BRD4: variants seen among roughly 807,000 people sequenced by gnomAD.
The protein encoded by BRD4 is bromodomain-containing protein 4.
In BRD4, 16 loss-of-function variants were observed where a neutral mutation model predicts 142.1. That is an observed-to-expected ratio of 0.11 (90% confidence interval 0.08 to 0.17). The LOEUF is 0.17. Among genes scored for constraint, BRD4 ranks in the 10% least tolerant of loss-of-function variants. The pLI is 1.00. For synonymous variants in BRD4, 833 were observed against 707.5 expected (o/e 1.18, Z -2.82); for missense variants, 1,424 against 1,810.9 (o/e 0.79, Z 3.88).
chr19:15,315,802 G>C (rs926512097), intron 1 of BRD4, among the ~76,000 whole-genome samples: 1 of 151,478 alleles, frequency 6.6e-6, no homozygotes, highest in Non-Finnish European at 1.5e-5. Context: ...GCTGCAGTGA[G>C]CTGAGATCAC....
intron 1 of BRD4, among the ~76,000 whole-genome samples, chr19:15,296,893 C>T (rs2047827358): frequency 6.6e-6 from 1 of 152,084 alleles, no homozygotes; most frequent in African/African-American, 2.4e-5. Context: ...TTCTGCCCAC[C>T]TCTCATGGAG....
At chr19:15,249,509 G>C (rs1568380585) in intron 11 of BRD4, among the ~76,000 whole-genome samples, 1 of 152,184 alleles carries the variant, frequency 6.6e-6, no homozygotes, top group South Asian at 2.1e-4. Context: ...GAGGCAGAAT[G>C]CATGGATGCC....
intron 1 of BRD4, among the ~76,000 whole-genome samples, chr19:15,321,238 G>A (rs1295572153): frequency 6.6e-6 from 1 of 150,694 alleles, no homozygotes; most frequent in Non-Finnish European, 1.5e-5. Context: ...GAATGGGAAA[G>A]GGAAAGGAAA....
chr19:15,244,942 G>A (rs2145518699), intron 11 of BRD4, 180 bp from the exon 12 acceptor site: 1 of 1,116,184 alleles, frequency 9.0e-7, no homozygotes, highest in East Asian at 2.6e-5. Flanking sequence ...GACATGCGAG[G>A]CATCACCTAC....
chr19:15,298,921 G>C (rs900728661), intron 1 of BRD4, among the ~76,000 whole-genome samples: 1 of 152,102 alleles, frequency 6.6e-6, no homozygotes, highest in South Asian at 2.1e-4. Context: ...CTGGCATTTG[G>C]GTAACTGCTG....
At chr19:15,313,068 C>CAA (rs1360141114) in intron 1 of BRD4, among the ~76,000 whole-genome samples, 1 of 145,098 alleles carries the variant, frequency 6.9e-6, no homozygotes, top group Non-Finnish European at 1.5e-5. Context: ...ACCCTGTCTT[C>CAA]AAAAAAAAAA....
At chr19:15,321,370 A>G (rs1297142241) in intron 1 of BRD4, among the ~76,000 whole-genome samples, 1 of 151,162 alleles carries the variant, frequency 6.6e-6, no homozygotes, top group Non-Finnish European at 1.5e-5. Flanking sequence ...TCAACAAGCG[A>G]GATGCTGCTG....
In BRD4 at chr19:15,296,843, G is replaced by T. The variant is rs2047826918; in HGVS notation, c.-34-23710C>A. On this transcript the variant is annotated intron_variant, in intron 1 of 19. Transcript: ENST00000679869. ...TTGACAGAGACTTCTCTAATCTGAAGAGCAACTGTTTCTCCCTGGTTCTCT... is the reference window on the plus strand; with the variant it reads ...TTGACAGAGACTTCTCTAATCTGAATAGCAACTGTTTCTCCCTGGTTCTCT... 2.0e-5 allele frequency among the ~76,000 whole-genome samples: 3 copies of T among 152,176 alleles called. No individual in the cohort carries two copies. In the South Asian group the frequency reaches 6.2e-4, roughly 32 times the overall value.
At chr19:15,256,423 G>A (rs890613090) in intron 8 of BRD4, among the ~76,000 whole-genome samples, 160 bp from the exon 9 acceptor site, 6 of 152,188 alleles carry the variant, frequency 3.9e-5, no homozygotes, top group African/African-American at 1.2e-4. Flanking sequence ...CCAGCTTTGC[G>A]CCTGTCATGT....
intron 1 of BRD4, among the ~76,000 whole-genome samples, chr19:15,286,353 A>C (rs1287991953): frequency 6.6e-6 from 1 of 152,190 alleles, no homozygotes; most frequent in East Asian, 1.9e-4. Context: ...AGAAGACGAG[A>C]AAGAGACTTC....
chr19:15,326,563 C>A (rs1010254936), intron 1 of BRD4, among the ~76,000 whole-genome samples: 2 of 152,154 alleles, frequency 1.3e-5, no homozygotes, highest in African/African-American at 2.4e-5. Flanking sequence ...AGACAAATAA[C>A]TGGAAGGAAA....
chr19:15,321,746 T>C (rs999137191), intron 1 of BRD4, among the ~76,000 whole-genome samples: 1 of 152,140 alleles, frequency 6.6e-6, no homozygotes, highest in African/African-American at 2.4e-5. Context: ...GTTAGGAGAA[T>C]AACATCTGAG....
intron 1 of BRD4, among the ~76,000 whole-genome samples, chr19:15,284,352 A>G (rs182989387): frequency 7.9e-5 from 12 of 152,314 alleles, no homozygotes; most frequent in Admixed American, 7.8e-4. Flanking sequence ...TCCAGCTTCC[A>G]AAGACCCCAA....
At position 15,274,869 on chromosome 19, in the gene BRD4, C is replaced by CT. The variant is rs745455535; in HGVS notation, c.-34-1737dup. Among the ~76,000 whole-genome samples, 1,172 of 142,922 alleles carry CT rather than the reference C, an allele frequency of 8.2e-3. 6 individuals are homozygous for CT. Among genetic ancestry groups the CT allele is most frequent in the East Asian group, 0.019 (94 of 4,982 alleles). The allele number at this position is 142,922 out of a possible 152,430, so 93.8% of individuals were successfully genotyped here. A position where few individuals can be genotyped will look rare whatever the true frequency, so the allele number is the denominator to read the frequency against. On this transcript the variant is annotated intron_variant, in intron 1 of 19. Transcript: ENST00000679869. ...CTTGAGCCGAGGAAGCTGAATTTTC[C>CT]TTTTTTTTTTTTTTTGGAGACAGGG... is the stretch of plus-strand genomic sequence containing the variant.
In BRD4 at chr19:15,298,009, G is replaced by A. The variant is rs72994024; in HGVS notation, c.-34-24876C>T. Among the ~76,000 whole-genome samples the A allele has an allele frequency of 3.3e-3, 498 of 152,310 alleles. 2 individuals are homozygous for A. Among genetic ancestry groups the A allele is most frequent in the Middle Eastern group, 6.8e-3 (2 of 294 alleles). On this transcript the variant is annotated intron_variant, in intron 1 of 19. Transcript: ENST00000679869. ...TACAACCAGTGGAATCTGCAGTTGG[G>A]AGAGCCACTATGAGGCACAAGATGA...
chr19:15,298,466 C>T (rs143196674), intron 1 of BRD4, among the ~76,000 whole-genome samples: 3 of 151,502 alleles, frequency 2.0e-5, no homozygotes, highest in Non-Finnish European at 2.9e-5. Flanking sequence ...ATTAAAAATA[C>T]AAAAATTAGC....
chr19:15,241,455 G>T (rs1018342172), intron 14 of BRD4, among the ~76,000 whole-genome samples: 16 of 152,322 alleles, frequency 1.1e-4, no homozygotes, highest in African/African-American at 3.8e-4. Flanking sequence ...AGTCTCTTTG[G>T]GAGTCTAACA....
intron 1 of BRD4, among the ~76,000 whole-genome samples, chr19:15,327,830 G>A (rs2048122054): frequency 6.9e-6 from 1 of 145,158 alleles, no homozygotes; most frequent in Non-Finnish European, 1.5e-5. Context: ...CAGATCCATA[G>A]AGACAGAGAG....
intron 11 of BRD4, among the ~76,000 whole-genome samples, chr19:15,250,236 G>A (rs988016435): frequency 6.6e-6 from 1 of 152,232 alleles, no homozygotes; most frequent in Non-Finnish European, 1.5e-5. Context: ...GCTGTTTGTG[G>A]GGGGAGTCAC....
Sources: gnomAD v4.1 joint callset for allele counts (sites outside exome capture counted in the v4.1 genomes callset) on GRCh38, gnomAD v4.1.1 for gene constraint, MANE v1.5 for transcripts, NCBI Gene and HGNC (gene_info 2026-07-23, HGNC 2026-07-21) for gene names.